DGKG: variants seen among roughly 807,000 people sequenced by gnomAD.
The protein encoded by DGKG is diacylglycerol kinase gamma.
In DGKG, 78 loss-of-function variants were observed where a neutral mutation model predicts 105.3. The ratio of observed to expected loss-of-function variants is 0.74; its 90% CI spans 0.62 to 0.89. The LOEUF (loss-of-function observed/expected upper bound fraction) is 0.89. Among genes scored for constraint, DGKG ranks in the 40% least tolerant of loss-of-function variants. The pLI, the probability that DGKG is intolerant of heterozygous loss-of-function variation, is 0.00. For synonymous variants in DGKG, 346 were observed against 367.1 expected, an observed-to-expected ratio of 0.94 and a Z score of 0.66; for missense variants, 958 against 1,020.1, an observed-to-expected ratio of 0.94 and a Z score of 0.83.
chr3:186,161,319 A>G (rs1021729581), intron 24 of DGKG: 10 of 1,259,484 alleles, frequency 7.9e-6, no homozygotes, highest in Non-Finnish European at 9.0e-6. Context: ...ACAGTAGATG[A>G]AGTCTCAGAA....
At chr3:186,252,714 G>C (rs898692176) in intron 18 of DGKG, among the ~76,000 whole-genome samples, 1 of 152,186 alleles carries the variant, frequency 6.6e-6, no homozygotes, top group Non-Finnish European at 1.5e-5. Context: ...GTGGGAGAGG[G>C]AATTTCACAC....
intron 7 of DGKG, among the ~76,000 whole-genome samples, chr3:186,282,918 T>A (rs367797783): frequency 4.4e-4 from 66 of 151,278 alleles, no homozygotes; most frequent in East Asian, 9.9e-4. Context: ...TTTTTTTTTT[T>A]AATTTTTTTG....
intron 1 of DGKG, among the ~76,000 whole-genome samples, chr3:186,327,100 G>A (rs1297273464): frequency 6.6e-6 from 1 of 152,130 alleles, no homozygotes; most frequent in East Asian, 1.9e-4. Flanking sequence ...AGGGATCAAG[G>A]CTGCACTGAA....
At chr3:186,174,250 C>T (rs1265346518) in intron 22 of DGKG, among the ~76,000 whole-genome samples, 1 of 152,304 alleles carries the variant, frequency 6.6e-6, no homozygotes, top group African/African-American at 2.4e-5. Context: ...GGGATCAGAG[C>T]AGCACACAGA....
chr3:186,258,666 T>C (rs939635101), intron 16 of DGKG, among the ~76,000 whole-genome samples: 3 of 152,162 alleles, frequency 2.0e-5, no homozygotes, highest in African/African-American at 7.2e-5. Context: ...AGATGCCTCA[T>C]ACCACTGCCA....
At chr3:186,197,297 T>A (rs1718227989) in intron 21 of DGKG, among the ~76,000 whole-genome samples, 1 of 152,068 alleles carries the variant, frequency 6.6e-6, no homozygotes, top group Non-Finnish European at 1.5e-5. Flanking sequence ...TCTGATGGGC[T>A]GAGAGGGGCA....
intron 5 of DGKG, among the ~76,000 whole-genome samples, chr3:186,292,893 A>G (rs1190811622): frequency 6.6e-6 from 1 of 152,216 alleles, no homozygotes; most frequent in Non-Finnish European, 1.5e-5. Context: ...AGAAAAATCT[A>G]CAAGGAGATT....
intron 1 of DGKG, among the ~76,000 whole-genome samples, chr3:186,343,593 T>G (rs1044252709): frequency 2.0e-5 from 3 of 152,186 alleles, no homozygotes; most frequent in Non-Finnish European, 4.4e-5. Context: ...ACTATCTTAT[T>G]TTTATTATCA....
rs34134152 is a variant in DGKG at position 186,243,895 on chromosome 3, G to GTTTTTTTTTT, written c.1762-1337_1762-1328dup. On this transcript the variant is annotated intron_variant, in intron 19 of 24. Transcript: ENST00000265022. ...CTATTTCTTATATGAAAATTTCTGTGTTTTTTTTTTTTTTTTTTGAGATGG... is the reference window on the plus strand; with the variant it reads ...CTATTTCTTATATGAAAATTTCTGTGTTTTTTTTTTTTTTTTTTTTTTTTTTTTGAGATGG... Among the ~76,000 whole-genome samples, 147 of 116,314 alleles carry GTTTTTTTTTT rather than the reference G, an allele frequency of 1.3e-3. 7 individuals carry two copies. The highest frequency in any genetic ancestry group is 4.9e-3 in the African/African-American group (134 of 27,554). The allele number at this position is 116,314 out of a possible 152,430, so 76.3% of individuals were successfully genotyped here.
chr3:186,170,993 A>G (rs901913428), intron 22 of DGKG, among the ~76,000 whole-genome samples: 1 of 152,212 alleles, frequency 6.6e-6, no homozygotes, highest in Admixed American at 6.5e-5. Context: ...CAAACAAACA[A>G]TAAAAACAAA....
chr3:186,300,029 G>T (rs1298501885), intron 3 of DGKG, among the ~76,000 whole-genome samples: 5 of 151,738 alleles, frequency 3.3e-5, no homozygotes, highest in Admixed American at 3.3e-4. Flanking sequence ...CAGAGATGGG[G>T]TTTCACCTTG....
At chr3:186,297,953 C>CT (rs1437389411) in intron 4 of DGKG, 111 bp downstream of exon 4, 1 of 1,293,148 alleles carries the variant, frequency 7.7e-7, no homozygotes. Context: ...CATGTTCGCA[C>CT]CGTTGGGGCA....
chr3:186,355,321 A>G (rs975271121), intron 1 of DGKG, among the ~76,000 whole-genome samples: 11 of 148,550 alleles, frequency 7.4e-5, no homozygotes, highest in African/African-American at 2.0e-4. Context: ...CACCACCACT[A>G]CCATCACCAC....
chr3:186,192,502 C>T (rs1717953872), intron 21 of DGKG, among the ~76,000 whole-genome samples: 1 of 152,162 alleles, frequency 6.6e-6, no homozygotes, highest in African/African-American at 2.4e-5. Context: ...GGGATTCACC[C>T]ATAGTATCTC....
Position 186,272,341 on chromosome 3 carries a change from AGTCT to A in DGKG, c.911-2_912del. ...CAGCGTTCGTGGACAGTGTATTTAC[AGTCT>A]GAAAAGAAAAAAAGTCAAGGCAGGT... On this transcript the variant is annotated splice_acceptor_variant and coding_sequence_variant, in exon 11 of 25. Coordinates refer to ENST00000265022, the MANE Select transcript of DGKG (RefSeq NM_001346.3). LOFTEE classifies it high-confidence loss of function. The A allele has an allele frequency of 6.2e-7, 1 of 1,612,002 alleles. No homozygotes were observed. Among genetic ancestry groups the A allele is most frequent in the African/African-American group, 1.3e-5 (1 of 74,966 alleles).
chr3:186,159,005 A>G, intron 24 of DGKG: 3 of 255,038 alleles, frequency 1.2e-5, no homozygotes, highest in Non-Finnish European at 1.8e-5. Context: ...TATTATATAT[A>G]CGTATGTATA....
intron 13 of DGKG, 95 bp downstream of exon 13, chr3:186,267,590 G>A (rs1722116307): frequency 1.1e-6 from 1 of 907,052 alleles, no homozygotes; most frequent in South Asian, 1.4e-5. Flanking sequence ...AGTTGTCAGG[G>A]AAGCCCTGGG....
At chr3:186,310,265 C>CAAAAAAAAAA (rs1165723037) in intron 2 of DGKG, among the ~76,000 whole-genome samples, 1,359 of 33,170 alleles carry the variant, frequency 0.041, 250 homozygotes, top group Middle Eastern at 0.067. Flanking sequence ...GACTCCGTCT[C>CAAAAAAAAAA]AAAAAAAAAA....
chr3:186,301,824 G>A (rs1382013763), intron 3 of DGKG, among the ~76,000 whole-genome samples: 2 of 152,194 alleles, frequency 1.3e-5, no homozygotes, highest in African/African-American at 4.8e-5. Context: ...TACTCTCCTA[G>A]ACCTTTGGTA....
Sources: gnomAD v4.1 joint callset for allele counts (sites outside exome capture counted in the v4.1 genomes callset) on GRCh38, gnomAD v4.1.1 for gene constraint, MANE v1.5 for transcripts, NCBI Gene and HGNC (gene_info 2026-07-23, HGNC 2026-07-21) for gene names.